MIAT: variants seen among roughly 807,000 people sequenced by gnomAD.
The protein encoded by MIAT is MI related novel mRNA.
downstream of MIAT, chr22:26,674,051 C>G (rs1435767971): frequency 2.5e-6 from 1 of 398,638 alleles, no homozygotes; most frequent in African/African-American, 2.1e-5. Context: ...TATAGAGTCA[C>G]CCTTCCCCAG....
chr22:26,665,758 A>T (rs1930823458), exon 4 of MIAT: 1 of 398,492 alleles, frequency 2.5e-6, no homozygotes, highest in Admixed American at 4.4e-5. Context: ...ACCTCTATGG[A>T]AGAAAGAAAG....
At chr22:26,672,696 G>A (rs1225263581), downstream of MIAT, 3 of 399,014 alleles carry the variant, frequency 7.5e-6, no homozygotes, top group Non-Finnish European at 1.3e-5. Context: ...GCAGGAGGGG[G>A]CGTGCCCCTC....
At chr22:26,675,723 CA>C (rs1257144629) in exon 5 of MIAT, 4 of 398,550 alleles carry the variant, frequency 1.0e-5, no homozygotes, top group South Asian at 1.3e-4. Context: ...GAAACACAGT[CA>C]TAGGCTGCAA....
chr22:26,648,953 G>A (rs78357307), intron 2 of MIAT, among the ~76,000 whole-genome samples: 246 of 151,416 alleles, frequency 1.6e-3, no homozygotes, highest in African/African-American at 5.7e-3. Flanking sequence ...GAGAGAGAGA[G>A]ACTACCAGGC....
chr22:26,665,451 C>T, intron 3 of MIAT: 1 of 398,678 alleles, frequency 2.5e-6, no homozygotes. Flanking sequence ...AATATCATGA[C>T]TCTAGGTCCA....
chr22:26,668,047 G>A (rs1463732975), intron 5 of MIAT: 5 of 397,306 alleles, frequency 1.3e-5, no homozygotes, highest in African/African-American at 1.0e-4. Context: ...ATGAGAGACT[G>A]GGGGGATCTC....
chr22:26,648,607 T>A (rs1024171416), intron 2 of MIAT, among the ~76,000 whole-genome samples: 2 of 150,196 alleles, frequency 1.3e-5, no homozygotes, highest in African/African-American at 2.5e-5. Flanking sequence ...CTCCATAAAG[T>A]AGAGGATACA....
intron 2 of MIAT, among the ~76,000 whole-genome samples, chr22:26,650,803 A>G (rs147212805): frequency 1.3e-5 from 2 of 152,330 alleles, no homozygotes; most frequent in African/African-American, 4.8e-5. Context: ...AGGATGATGC[A>G]GATGGGTTTT....
intron 2 of MIAT, among the ~76,000 whole-genome samples, chr22:26,653,192 C>A (rs1342194042): frequency 6.6e-6 from 1 of 152,224 alleles, no homozygotes; most frequent in South Asian, 2.1e-4. Context: ...CTGAATCCCC[C>A]AGAAGGGCTA....
chr22:26,673,799 T>C, downstream of MIAT: 1 of 398,494 alleles, frequency 2.5e-6, no homozygotes, highest in East Asian at 3.6e-5. Flanking sequence ...CTAAAGGAGG[T>C]GCCAGGGCTC....
At chr22:26,651,232 T>C (rs1930330808) in intron 2 of MIAT, among the ~76,000 whole-genome samples, 1 of 152,244 alleles carries the variant, frequency 6.6e-6, no homozygotes, top group Non-Finnish European at 1.5e-5. Context: ...AGATGGCCGC[T>C]TTGATGACTC....
At chr22:26,667,904 C>G (rs1930911797) in intron 5 of MIAT, 3 of 307,414 alleles carry the variant, frequency 9.8e-6, no homozygotes, top group Non-Finnish European at 1.8e-5. Flanking sequence ...CTCCTGGGCT[C>G]AAGTGATCCT....
At chr22:26,648,550 T>TGG (rs201888714) in intron 2 of MIAT, among the ~76,000 whole-genome samples, 1 of 113,104 alleles carries the variant, frequency 8.8e-6, no homozygotes, top group African/African-American at 3.1e-5. Flanking sequence ...CATAGTTTGA[T>TGG]GGGGTTTTGT....
intron 2 of MIAT, among the ~76,000 whole-genome samples, chr22:26,653,344 C>A (rs1030292655): frequency 5.9e-5 from 9 of 152,218 alleles, no homozygotes; most frequent in African/African-American, 1.2e-4. Context: ...CCGAGTCCAT[C>A]TGAGTTACAG....
chr22:26,668,095 G>A (rs982727387), intron 5 of MIAT: 12 of 398,086 alleles, frequency 3.0e-5, no homozygotes, highest in African/African-American at 6.2e-5. Flanking sequence ...TTAGGCTGGG[G>A]GGATGTGGGA....
chr22:26,671,391 G>A (rs954212695), downstream of MIAT: 7 of 398,768 alleles, frequency 1.8e-5, no homozygotes, highest in African/African-American at 6.2e-5. Flanking sequence ...TGGAGGGGCC[G>A]GGGCAGTGTT....
intron 2 of MIAT, among the ~76,000 whole-genome samples, chr22:26,663,129 A>G (rs1457313519): frequency 6.6e-6 from 1 of 152,136 alleles, no homozygotes; most frequent in African/African-American, 2.4e-5. Flanking sequence ...CCATGTTAGG[A>G]TGTATTGGTT....
At chr22:26,648,763 G>C (rs1930284301) in intron 2 of MIAT, among the ~76,000 whole-genome samples, 1 of 152,198 alleles carries the variant, frequency 6.6e-6, no homozygotes, top group African/African-American at 2.4e-5. Flanking sequence ...CTGTGGACTG[G>C]ACTTGATATG....
chr22:26,668,723 C>G (rs1211578459), exon 6 of MIAT: 2 of 399,092 alleles, frequency 5.0e-6, no homozygotes, highest in East Asian at 7.1e-5. Flanking sequence ...TTGCTCAGTG[C>G]GTAATTGTCA....
Sources: gnomAD v4.1 joint callset for allele counts (sites outside exome capture counted in the v4.1 genomes callset) on GRCh38, gnomAD v4.1.1 for gene constraint, MANE v1.5 for transcripts, NCBI Gene and HGNC (gene_info 2026-07-23, HGNC 2026-07-21) for gene names.